SEMA3C: variants seen among roughly 807,000 people sequenced by gnomAD.
SEMA3C encodes semaphorin 3C.
SEMA3C carries 47 observed loss-of-function variants against 89.4 expected under a neutral mutation model. The ratio of observed to expected loss-of-function variants is 0.53; its 90% CI spans 0.42 to 0.67. The LOEUF (loss-of-function observed/expected upper bound fraction) is 0.67. Among genes scored for constraint, SEMA3C ranks in the 30% least tolerant of loss-of-function variants. SEMA3C has a pLI of 0.00. For synonymous variants in SEMA3C, 310 were observed against 320.2 expected (o/e 0.97, Z 0.34); for missense variants, 839 against 929.1 (o/e 0.90, Z 1.26).
chr7:80,785,708 C>T (rs1367893381), intron 12 of SEMA3C, among the ~76,000 whole-genome samples: 1 of 152,170 alleles, frequency 6.6e-6, no homozygotes, highest in Non-Finnish European at 1.5e-5. Context: ...CAACCTCCAC[C>T]TCTCGGGTTC....
chr7:80,812,774 TTTG>T (rs547604889), intron 5 of SEMA3C, among the ~76,000 whole-genome samples: 8 of 151,922 alleles, frequency 5.3e-5, no homozygotes, highest in Non-Finnish European at 1.0e-4. Context: ...ATTGCATGTT[TTTG>T]TTGTTGTTGT....
chr7:80,793,534 AT>A (rs1225813825), intron 11 of SEMA3C: 9 of 425,436 alleles, frequency 2.1e-5, no homozygotes, highest in South Asian at 1.4e-4. Flanking sequence ...AAATAACAAT[AT>A]TATGACAAAA....
intron 17 of SEMA3C, among the ~76,000 whole-genome samples, chr7:80,747,761 T>C (rs1001143050): frequency 1.2e-4 from 18 of 152,204 alleles, no homozygotes; most frequent in African/African-American, 4.1e-4. Flanking sequence ...TCTTAGGCTT[T>C]AGAAGAATGA....
chr7:80,761,265 T>A (rs1788176592), intron 14 of SEMA3C, among the ~76,000 whole-genome samples: 1 of 152,262 alleles, frequency 6.6e-6, no homozygotes, highest in Non-Finnish European at 1.5e-5. Flanking sequence ...GTTGTGATGT[T>A]ATAGAGTAGC....
At chr7:80,920,167 C>A (rs1017062481), upstream of SEMA3C, among the ~76,000 whole-genome samples, 9 of 152,120 alleles carry the variant, frequency 5.9e-5, no homozygotes, top group African/African-American at 2.2e-4. Flanking sequence ...CTTTCAGGTA[C>A]ACTCGTTAAA....
At chr7:80,873,724 C>T (rs139673873) in intron 2 of SEMA3C, among the ~76,000 whole-genome samples, 2 of 152,200 alleles carry the variant, frequency 1.3e-5, no homozygotes, top group Admixed American at 6.5e-5. Flanking sequence ...TGTAGTGTTT[C>T]GTTTTTGATT....
chr7:80,888,903 A>G (rs1175867236), intron 2 of SEMA3C, among the ~76,000 whole-genome samples: 1 of 152,044 alleles, frequency 6.6e-6, no homozygotes, highest in Non-Finnish European at 1.5e-5. Flanking sequence ...TCACTCAGGA[A>G]CCCTGGCTGG....
intron 2 of SEMA3C, among the ~76,000 whole-genome samples, chr7:80,864,327 G>A (rs964372556): frequency 5.3e-5 from 8 of 151,860 alleles, no homozygotes; most frequent in Admixed American, 2.0e-4. Context: ...CCAGAATCTC[G>A]CAAATCACCA....
chr7:80,828,975 C>A (rs1789946921), intron 2 of SEMA3C, among the ~76,000 whole-genome samples: 1 of 152,040 alleles, frequency 6.6e-6, no homozygotes, highest in Non-Finnish European at 1.5e-5. Flanking sequence ...CCAGCCTGAG[C>A]AACATAGTGA....
At chr7:80,873,353 AGTTT>A (rs1162834934) in intron 2 of SEMA3C, among the ~76,000 whole-genome samples, 1 of 152,146 alleles carries the variant, frequency 6.6e-6, no homozygotes, top group Non-Finnish European at 1.5e-5. Context: ...AGATGTTTCG[AGTTT>A]GTTTGCACAG....
chr7:80,754,947 G>GTTTTTTTTTTTTTTTT (rs1031680674), intron 15 of SEMA3C, among the ~76,000 whole-genome samples: 2 of 13,124 alleles, frequency 1.5e-4, no homozygotes, highest in Non-Finnish European at 6.1e-4. Flanking sequence ...CTGGCGAATT[G>GTTTTTTTTTTTTTTTT]TTTTTTTTTG....
In SEMA3C at chr7:80,748,882, G is replaced by C. The variant is rs1787859551; in HGVS notation, c.1842+16C>G. 2 of 1,604,636 alleles carry C rather than the reference G, an allele frequency of 1.2e-6. No homozygotes were observed. Among genetic ancestry groups the C allele is most frequent in the Non-Finnish European group, 1.7e-6 (2 of 1,176,268 alleles). On this transcript the variant is annotated intron_variant, in intron 17 of 17. Transcript: ENST00000265361. The stretch of plus-strand genomic sequence containing the variant: ...TCTGAAGCCCTGATGGATTGCTGCT[G>C]TGCTGCTTTACTCACCTCTTTCCTC...
chr7:80,901,357 G>A (rs1369237989), intron 2 of SEMA3C, among the ~76,000 whole-genome samples: 2 of 152,048 alleles, frequency 1.3e-5, no homozygotes, highest in African/African-American at 4.8e-5. Flanking sequence ...ATTTTTCTTT[G>A]TTCCATCCAG....
intron 15 of SEMA3C, among the ~76,000 whole-genome samples, chr7:80,756,432 C>T (rs1056408396): frequency 6.6e-6 from 1 of 152,124 alleles, no homozygotes; most frequent in Non-Finnish European, 1.5e-5. Flanking sequence ...CACCCCTTCC[C>T]TTCTGCCTCC....
intron 11 of SEMA3C, chr7:80,796,297 A>G (rs1398152667): frequency 6.6e-6 from 1 of 152,200 alleles, no homozygotes; most frequent in Non-Finnish European, 1.5e-5. Context: ...TTTGATATAT[A>G]ACGGAATTTG....
At chr7:80,897,299 A>G (rs747966588) in intron 2 of SEMA3C, among the ~76,000 whole-genome samples, 4 of 152,234 alleles carry the variant, frequency 2.6e-5, no homozygotes, top group East Asian at 3.8e-4. Context: ...ACTAAGAAAA[A>G]GGCCATAAAA....
chr7:80,843,210 G>A (rs910775102), intron 2 of SEMA3C, among the ~76,000 whole-genome samples: 24 of 152,000 alleles, frequency 1.6e-4, no homozygotes, highest in Admixed American at 2.0e-4. Context: ...GACCTGAATC[G>A]TTTCCAACAC....
chr7:80,794,973 G>C (rs951166307), intron 11 of SEMA3C, among the ~76,000 whole-genome samples: 2 of 152,162 alleles, frequency 1.3e-5, no homozygotes, highest in African/African-American at 2.4e-5. Flanking sequence ...GGGAACATTA[G>C]AACGAGGGTA....
chr7:80,847,846 A>C (rs1790426060), intron 2 of SEMA3C, among the ~76,000 whole-genome samples: 1 of 152,212 alleles, frequency 6.6e-6, no homozygotes, highest in African/African-American at 2.4e-5. Context: ...TTTTACTCTG[A>C]GGCAGATCAT....
Sources: gnomAD v4.1 joint callset for allele counts (sites outside exome capture counted in the v4.1 genomes callset) on GRCh38, gnomAD v4.1.1 for gene constraint, MANE v1.5 for transcripts, NCBI Gene and HGNC (gene_info 2026-07-23, HGNC 2026-07-21) for gene names.